SARS2: variants seen among roughly 807,000 people sequenced by gnomAD.
SARS2 encodes the protein seryl-tRNA synthetase 2, mitochondrial.
In SARS2, 52 loss-of-function variants were observed where a neutral mutation model predicts 66.8. That is an observed-to-expected ratio of 0.78 (90% CI 0.62 to 0.98). The LOEUF (loss-of-function observed/expected upper bound fraction) is 0.98, where lower values mean the gene tolerates loss of function less well. Ranked by LOEUF, SARS2 falls within the 50% of genes least tolerant of loss-of-function variation. SARS2 has a pLI of 0.00. For synonymous variants in SARS2, 306 were observed against 281.4 expected (o/e 1.09, Z -0.87); for missense variants, 673 against 706.3 (o/e 0.95, Z 0.53).
At chr19:38,917,210 A>G (rs1974433289) in intron 12 of SARS2, among the ~76,000 whole-genome samples, 1 of 151,424 alleles carries the variant, frequency 6.6e-6, no homozygotes. Flanking sequence ...TCCTCCTGCC[A>G]TGGCCTCCCA....
chr19:38,925,434 T>C (rs371652178), intron 2 of SARS2, among the ~76,000 whole-genome samples: 1 of 152,250 alleles, frequency 6.6e-6, no homozygotes, highest in East Asian at 1.9e-4. Context: ...GGATGGCCTC[T>C]GATCAGCCTA....
At chr19:38,926,433 C>T (rs1264024292) in intron 1 of SARS2, 133 bp from the exon 2 acceptor site, 6 of 760,706 alleles carry the variant, frequency 7.9e-6, no homozygotes, top group South Asian at 5.9e-5. Flanking sequence ...GCCATCCTCC[C>T]CTCCTCCCTT....
chr19:38,921,348 A>G (rs1481494438), intron 5 of SARS2, 44 bp downstream of exon 5: 1 of 1,605,726 alleles, frequency 6.2e-7, no homozygotes, highest in African/African-American at 1.3e-5. Context: ...CAGAACCCCC[A>G]CACCGCAGGG....
intron 1 of SARS2, among the ~76,000 whole-genome samples, chr19:38,929,747 G>C (rs1329625416): frequency 1.3e-5 from 2 of 152,094 alleles, no homozygotes; most frequent in East Asian, 1.9e-4. Flanking sequence ...AATTAAACGA[G>C]GTTAAAGTGA....
Position 38,930,723 on chromosome 19 carries a change from A to G in SARS2, c.14T>C (p.Met5Thr), listed in dbSNP as rs538446780. 5.6e-6 allele frequency: 9 copies of G among 1,613,378 alleles called. No homozygotes were observed. The highest frequency in any genetic ancestry group is 5.3e-5 in the African/African-American group (4 of 74,942). Reference sequence around the variant, plus strand: ...CAGCAAAGGCCACAAGCGCCGCGCCATGGACGCAGCCATCTTGGACCGGGA... The same window carrying G: ...CAGCAAAGGCCACAAGCGCCGCGCCGTGGACGCAGCCATCTTGGACCGGGA... MAASMARRLWPLLTR... is the reference protein window; with the variant it reads MAASTARRLWPLLTR... The change falls in exon 1 of 16, where the codon ATG becomes ACG. Residue 5 changes from methionine (M) to threonine (T), a missense_variant. Transcript: ENST00000221431.
At chr19:38,922,211 G>C (rs1203582405) in intron 3 of SARS2, 27 bp downstream of exon 3, 2 of 1,613,284 alleles carry the variant, frequency 1.2e-6, no homozygotes, top group Non-Finnish European at 8.5e-7. Context: ...CCCCAACCCT[G>C]GATAGGACAT....
At position 38,917,719 on chromosome 19, in the gene SARS2, C is replaced by G. The variant is rs775131040; in HGVS notation, c.1160+5G>C. 3 of 1,594,502 alleles carry G rather than the reference C, an allele frequency of 1.9e-6. No homozygotes were observed. Among genetic ancestry groups the G allele is most frequent in the Non-Finnish European group, 2.6e-6 (3 of 1,163,580 alleles). Reference sequence around the variant, plus strand: ...CATCCCTGGATCCCTGGCCCCTCTCCACACCGGAAGTGCAAGCCCAGCTCT... The same window carrying G: ...CATCCCTGGATCCCTGGCCCCTCTCGACACCGGAAGTGCAAGCCCAGCTCT... On this transcript the variant is annotated splice_donor_5th_base_variant and intron_variant, in intron 12 of 15. Coordinates refer to ENST00000221431, the MANE Select transcript of SARS2 (RefSeq NM_017827.4).
intron 8 of SARS2, 108 bp downstream of exon 8, chr19:38,918,657 GC>G: frequency 7.0e-7 from 1 of 1,421,500 alleles, no homozygotes; most frequent in South Asian, 1.2e-5. Flanking sequence ...GTATGGCCTG[GC>G]CCCCTCAACC....
Position 38,918,704 on chromosome 19 carries a change from C to T in SARS2, c.807+62G>A, listed in dbSNP as rs561305139. The T allele has an allele frequency of 1.6e-5, 25 of 1,535,222 alleles. No individual in the cohort carries two copies. The African/African-American group carries it at 2.2e-4, about 13-fold the overall frequency. ...GCGGTCTCCTCAGGTTTCCCTGCCT[C>T]GGGCACCCACGGCAGGGCCTGACAC... On this transcript the variant is annotated intron_variant, in intron 8 of 15. Coordinates refer to ENST00000221431, the MANE Select transcript of SARS2 (RefSeq NM_017827.4).
intron 10 of SARS2, 42 bp downstream of exon 10, chr19:38,918,052 T>G: frequency 6.2e-7 from 1 of 1,603,302 alleles, no homozygotes; most frequent in Non-Finnish European, 8.5e-7. Flanking sequence ...GGAAGACTGA[T>G]TGTCACAGGT....
chr19:38,921,937 G>A (rs1287847956), intron 3 of SARS2: 2 of 1,526,016 alleles, frequency 1.3e-6, no homozygotes, highest in Non-Finnish European at 1.8e-6. Flanking sequence ...GAACTCATGA[G>A]AATCAGCCCC....
Position 38,917,390 on chromosome 19 carries a change from AC to A in SARS2, c.1160+333del, listed in dbSNP as rs1010173502. ...CCAACCTCTGGCTCCCCCTTTTCCC[AC>A]CCCCACTCTCCACTGGGAGGTGAAA... On this transcript the variant is annotated intron_variant, in intron 12 of 15. Transcript: ENST00000221431. Among the ~76,000 whole-genome samples the A allele has an allele frequency of 2.6e-5, 4 of 151,864 alleles. No homozygotes were observed. In the South Asian group the frequency reaches 8.3e-4, roughly 32 times the overall value.
At chr19:38,923,740 G>T (rs1228252565) in intron 2 of SARS2, among the ~76,000 whole-genome samples, 1 of 151,864 alleles carries the variant, frequency 6.6e-6, no homozygotes, top group African/African-American at 2.4e-5. Flanking sequence ...CAGCACTTTG[G>T]AAGGCTGAGG....
intron 1 of SARS2, 78 bp from the exon 2 acceptor site, chr19:38,926,378 G>A: frequency 7.4e-7 from 1 of 1,348,540 alleles, no homozygotes; most frequent in Non-Finnish European, 1.0e-6. Flanking sequence ...TGGCCACCTG[G>A]ACCTGCGGCG....
chr19:38,924,772 A>G (rs1276170667), intron 2 of SARS2, among the ~76,000 whole-genome samples: 1 of 152,146 alleles, frequency 6.6e-6, no homozygotes, highest in Non-Finnish European at 1.5e-5. Flanking sequence ...GCCCCAGAGT[A>G]GCTGGGACTA....
At position 38,918,505 on chromosome 19, in the gene SARS2, G is replaced by T. The variant is rs546320477; in HGVS notation, c.833C>A (p.Ala278Asp). The change falls in exon 9 of 16, where the codon GCC (alanine) becomes GAC (aspartate). Residue 278 changes from alanine (A) to aspartate (D), a missense_variant. Physicochemically the swap from Ala to Asp is moderately radical, Grantham distance 126. Coordinates refer to ENST00000221431, the MANE Select transcript of SARS2 (RefSeq NM_017827.4). Reference sequence around the variant, plus strand: ...GATGTTGTAAATTTGGGATGGGTTGGCATTTGGTGTCATCCCACAGCCTTC... The same window carrying T: ...GATGTTGTAAATTTGGGATGGGTTGTCATTTGGTGTCATCCCACAGCCTTC... ...VFEGCGMTPN[A>D]NPSQIYNIDP... The T allele has an allele frequency of 6.2e-7, 1 of 1,614,116 alleles. No homozygotes were observed. Among genetic ancestry groups the T allele is most frequent in the South Asian group, 1.1e-5 (1 of 91,088 alleles).
At position 38,921,529 on chromosome 19, in the gene SARS2, C is replaced by A. The variant is rs758143485; in HGVS notation, c.532G>T (p.Val178Leu). Residue 178 changes from valine to leucine, a missense_variant and splice_region_variant, in exon 4 of 16, where the codon GTG becomes TTG. By Grantham distance (32) the Val-to-Leu change is conservative. Coordinates refer to ENST00000221431, the MANE Select transcript of SARS2 (RefSeq NM_017827.4). Reference sequence around the variant, plus strand: ...CTGCCACCCAGCACGGTGCTCACCACGTCTGGGTGGGTCTGGTTGGGCAGC... The same window carrying A: ...CTGCCACCCAGCACGGTGCTCACCAAGTCTGGGTGGGTCTGGTTGGGCAGC... ...LKLPNQTHPD[V>L]PVGDESQARV... 6 of 1,614,048 alleles carry A rather than the reference C, an allele frequency of 3.7e-6. No homozygotes were observed. In the South Asian group the frequency reaches 6.6e-5, roughly 18 times the overall value.
chr19:38,929,593 G>A (rs1974694403), intron 1 of SARS2, among the ~76,000 whole-genome samples: 1 of 150,228 alleles, frequency 6.7e-6, no homozygotes, highest in African/African-American at 2.4e-5. Flanking sequence ...TGGATTCTAG[G>A]CCAGAAAGCA....
At chr19:38,927,223 C>T (rs1284302192) in intron 1 of SARS2, among the ~76,000 whole-genome samples, 1 of 152,036 alleles carries the variant, frequency 6.6e-6, no homozygotes, top group African/African-American at 2.4e-5. Flanking sequence ...CAGGTGTGAG[C>T]CACAGCACCC....
Sources: allele counts gnomAD v4.1 joint callset (sites outside exome capture counted in the v4.1 genomes callset), GRCh38; gene constraint gnomAD v4.1.1; transcripts MANE v1.5; gene names NCBI Gene and HGNC (gene_info 2026-07-23, HGNC 2026-07-21).